PCDHA3: variants seen among roughly 807,000 people sequenced by gnomAD.
The protein encoded by PCDHA3 is protocadherin alpha 3.
Under a neutral mutation model 62.2 loss-of-function variants are expected in PCDHA3, and 41 were observed. The ratio of observed to expected loss-of-function variants is 0.66; its 90% CI spans 0.51 to 0.86. The LOEUF is 0.86. PCDHA3 is among the 40% of genes least tolerant of loss of function. The probability of loss-of-function intolerance (pLI) is 0.00; values close to 1 mark genes in which losing one functional copy is unlikely to be tolerated. For synonymous variants in PCDHA3, 640 were observed against 555.4 expected (o/e 1.15, Z -2.14); for missense variants, 1,304 against 1,241.2 (o/e 1.05, Z -0.76).
At chr5:140,944,818 T>G (rs1490682721) in intron 1 of PCDHA3, among the ~76,000 whole-genome samples, 1 of 152,236 alleles carries the variant, frequency 6.6e-6, no homozygotes, top group East Asian at 1.9e-4. Context: ...CAGTGATCTT[T>G]GCCCCATAAT....
At chr5:140,893,634 T>C (rs2064095604) in intron 1 of PCDHA3, among the ~76,000 whole-genome samples, 1 of 152,236 alleles carries the variant, frequency 6.6e-6, no homozygotes, top group Admixed American at 6.5e-5. Flanking sequence ...CTGCTTGGTA[T>C]AGTATTTTTG....
At chr5:140,850,820 C>T in intron 1 of PCDHA3, 6 of 1,598,226 alleles carry the variant, frequency 3.8e-6, no homozygotes, top group Non-Finnish European at 5.1e-6. Flanking sequence ...TCAGCCCGGG[C>T]CTTTCTCCTT....
In PCDHA3 at chr5:140,882,516, T is replaced by C. The variant is rs782263799; in HGVS notation, c.2394+78925T>C. ...CTGGAGGTAAATCTGCAGAATGGCA[T>C]TTTGTTTGTGAATTCTCGGATCGAC... is the stretch of plus-strand genomic sequence containing the variant. On this transcript the variant is annotated intron_variant, in intron 1 of 3. Coordinates refer to ENST00000522353, the MANE Select transcript of PCDHA3 (RefSeq NM_018906.3). 1.4e-5 allele frequency: 22 copies of C among 1,614,068 alleles called. No individual in the cohort carries two copies. The highest frequency in any genetic ancestry group is 4.0e-5 in the African/African-American group (3 of 74,944).
chr5:140,850,711 T>C (rs2150495553), intron 1 of PCDHA3: 1 of 1,597,796 alleles, frequency 6.3e-7, no homozygotes, highest in Non-Finnish European at 8.6e-7. Flanking sequence ...AAGCCGACGC[T>C]GGTGTGTTCT....
chr5:140,855,175 T>C (rs1554147660), intron 1 of PCDHA3, among the ~76,000 whole-genome samples: 1 of 149,898 alleles, frequency 6.7e-6, no homozygotes, highest in African/African-American at 2.4e-5. Context: ...TGAAAACAAA[T>C]GTGGCCAAAT....
chr5:140,966,816 G>A lies in PCDHA3; in HGVS notation c.2395-12133G>A, dbSNP rs1448171487. On this transcript the variant is annotated intron_variant, in intron 1 of 3. Transcript: ENST00000522353. ...GCGGCGACAGAGCATCCACGGCTCC[G>A]GCGGCCCATGCCCTGGCTGCTGCTA... 5.2e-6 allele frequency: 8 copies of A among 1,553,302 alleles called. No homozygotes were observed. The East Asian group carries it at 7.2e-5, about 14-fold the overall frequency.
intron 1 of PCDHA3, chr5:140,968,611 G>A: frequency 6.2e-7 from 1 of 1,614,194 alleles, no homozygotes; most frequent in African/African-American, 1.3e-5. Flanking sequence ...CAGACTCTGG[G>A]CAAAATGCTT....
At chr5:140,862,596 G>A (rs543851067) in intron 1 of PCDHA3, 2 of 510,824 alleles carry the variant, frequency 3.9e-6, no homozygotes, top group East Asian at 1.0e-4. Flanking sequence ...CCGAGTACAT[G>A]GTGTTCGTGA....
chr5:140,802,432 C>T lies in PCDHA3; in HGVS notation c.1235C>T (p.Pro412Leu), dbSNP rs1762913012. The T allele has an allele frequency of 1.2e-6, 2 of 1,614,122 alleles. No homozygotes were observed. The highest frequency in any genetic ancestry group is 1.7e-5 in the Admixed American group (1 of 60,012). The change falls in exon 1 of 4, where the codon CCT (proline) becomes CTT (leucine). Residue 412 changes from proline to leucine, a missense_variant. Pro to Leu is a moderately conservative substitution (Grantham distance 98, BLOSUM62 -3). Coordinates refer to ENST00000522353, the MANE Select transcript of PCDHA3 (RefSeq NM_018906.3). Reference protein sequence around the residue: ...KNYYSLVLDSPLDRESVSAYE... With the variant: ...KNYYSLVLDSLLDRESVSAYE... Reference sequence around the variant, plus strand: ...TACTACTCATTGGTGCTGGACAGCCCTCTGGACCGCGAGAGCGTGTCGGCC... The same window carrying T: ...TACTACTCATTGGTGCTGGACAGCCTTCTGGACCGCGAGAGCGTGTCGGCC...
At chr5:140,835,022 G>C in intron 1 of PCDHA3, 2 of 1,341,264 alleles carry the variant, frequency 1.5e-6, no homozygotes, top group South Asian at 1.4e-5. Context: ...TATTGCTCAC[G>C]GCCACCGATG....
Position 140,803,495 on chromosome 5 carries a change from G to C in PCDHA3, c.2298G>C (p.Lys766Asn). ...TGTGCTCTGGAGAGGGGTTGCCCAA[G>C]ACCGACCTCATGGCTTTTAGCCCTA... The part of the protein sequence containing the change: ...QRVCSGEGLP[K>N]TDLMAFSPSL... The change falls in exon 1 of 4, where the codon AAG becomes AAC. Residue 766 changes from lysine to asparagine, a missense_variant. Coordinates refer to ENST00000522353, the MANE Select transcript of PCDHA3 (RefSeq NM_018906.3). 1 of 1,614,248 alleles carries C rather than the reference G, an allele frequency of 6.2e-7. No individual in the cohort carries two copies. Among genetic ancestry groups the C allele is most frequent in the Non-Finnish European group, 8.5e-7 (1 of 1,180,038 alleles).
chr5:140,868,653 G>T (rs897751330), intron 1 of PCDHA3: 1 of 162,858 alleles, frequency 6.1e-6, no homozygotes, highest in African/African-American at 2.4e-5. Flanking sequence ...CTGTGTATAA[G>T]TATTTTAGAT....
intron 1 of PCDHA3, chr5:140,881,495 T>C (rs2058735247): frequency 3.5e-6 from 1 of 288,914 alleles, no homozygotes; most frequent in Non-Finnish European, 5.2e-6. Flanking sequence ...TTTATGCACA[T>C]ACACACACTC....
chr5:140,994,483 G>A (rs1356969213), intron 3 of PCDHA3, among the ~76,000 whole-genome samples: 1 of 152,062 alleles, frequency 6.6e-6, no homozygotes, highest in East Asian at 1.9e-4. Context: ...CGGGTGGATT[G>A]CCTGAACCCA....
intron 1 of PCDHA3, among the ~76,000 whole-genome samples, chr5:140,846,536 T>C (rs1215890170): frequency 1.3e-5 from 2 of 148,200 alleles, no homozygotes; most frequent in Admixed American, 1.4e-4. Context: ...CACCATGCCC[T>C]GCTAATTTTT....
intron 1 of PCDHA3, among the ~76,000 whole-genome samples, chr5:140,806,731 T>TA: frequency 6.6e-6 from 1 of 152,366 alleles, no homozygotes; most frequent in South Asian, 2.1e-4. Context: ...AGTTTACAGT[T>TA]ACATGTTTAC....
In PCDHA3 at chr5:140,802,203, G is replaced by T; in HGVS notation, c.1006G>T (p.Val336Phe). Residue 336 changes from valine to phenylalanine, a missense_variant, in exon 1 of 4, where the codon GTT becomes TTT. Val to Phe is a conservative substitution (Grantham distance 50). Coordinates refer to ENST00000522353, the MANE Select transcript of PCDHA3 (RefSeq NM_018906.3). ...GNPPMSDHCTVLLEIVDINDN... is the reference protein window; with the variant it reads ...GNPPMSDHCTFLLEIVDINDN... ...TCCCCCAATGTCAGATCACTGCACA[G>T]TTCTACTCGAAATTGTGGACATCAA... 1 of 1,614,220 alleles carries T rather than the reference G, an allele frequency of 6.2e-7. No individual in the cohort carries two copies. Among genetic ancestry groups the T allele is most frequent in the Non-Finnish European group, 8.5e-7 (1 of 1,180,040 alleles).
rs372206309 is a variant in PCDHA3, at chr5:140,802,317, G to A, written c.1120G>A (p.Val374Met). ...TAGCACAGTCATCGCTCTGATCAGC[G>A]TGTCCGACCGCGACTCAGGAGTCAA... ...PLSTVIALIS[V>M]SDRDSGVNGQ... Residue 374 changes from valine to methionine, a missense_variant, in exon 1 of 4, where the codon GTG becomes ATG. Coordinates refer to ENST00000522353, the MANE Select transcript of PCDHA3 (RefSeq NM_018906.3). The A allele has an allele frequency of 8.1e-6, 13 of 1,614,088 alleles. No individual in the cohort carries two copies. The highest frequency in any genetic ancestry group is 1.3e-5 in the African/African-American group (1 of 74,922).
At chr5:140,997,702 T>C (rs548432387) in intron 3 of PCDHA3, among the ~76,000 whole-genome samples, 1 of 150,740 alleles carries the variant, frequency 6.6e-6, no homozygotes, top group Non-Finnish European at 1.5e-5. Context: ...GTGTGTATGT[T>C]AACAAACACC....
Sources: gnomAD v4.1 joint callset for allele counts (sites outside exome capture counted in the v4.1 genomes callset) on GRCh38, gnomAD v4.1.1 for gene constraint, MANE v1.5 for transcripts, NCBI Gene and HGNC (gene_info 2026-07-23, HGNC 2026-07-21) for gene names.